Variants in DPP6 observed in about 807,000 individuals in gnomAD.
DPP6 encodes the protein A-type potassium channel modulatory protein DPP6.
In DPP6, 69 loss-of-function variants were observed where a neutral mutation model predicts 122.6. That is an observed-to-expected ratio of 0.56 (90% CI 0.46 to 0.69). DPP6 has a LOEUF of 0.69. DPP6 is among the 30% of genes least tolerant of loss of function. DPP6 has a pLI of 0.00. For synonymous variants in DPP6, 418 were observed against 433.1 expected (o/e 0.97, Z 0.43); for missense variants, 928 against 1,116.9 (o/e 0.83, Z 2.41).
At chr7:154,681,516 C>G (rs1839277949) in intron 7 of DPP6, among the ~76,000 whole-genome samples, 1 of 152,206 alleles carries the variant, frequency 6.6e-6, no homozygotes, top group Admixed American at 6.5e-5. Context: ...ACACTTGCGG[C>G]CATGGCAGAT....
upstream of DPP6, among the ~76,000 whole-genome samples, chr7:153,884,969 A>G (rs1335641169): frequency 2.9e-5 from 4 of 139,600 alleles, no homozygotes; most frequent in South Asian, 7.5e-4. Context: ...ACAAAGCAAG[A>G]CTCCGTCTCA....
At chr7:154,529,303 C>T (rs1045243042) in intron 3 of DPP6, among the ~76,000 whole-genome samples, 1 of 152,150 alleles carries the variant, frequency 6.6e-6, no homozygotes, top group African/African-American at 2.4e-5. Flanking sequence ...GGCAGGGAAT[C>T]AAGGCAGGTC....
chr7:154,532,714 A>C (rs1197936294), intron 3 of DPP6, among the ~76,000 whole-genome samples: 1 of 152,030 alleles, frequency 6.6e-6, no homozygotes, highest in East Asian at 1.9e-4. Context: ...GTTATTAATT[A>C]ATAGAAAATG....
chr7:153,997,803 G>A (rs150235109), intron 1 of DPP6, among the ~76,000 whole-genome samples: 6,821 of 149,858 alleles, frequency 0.046, 370 homozygotes, highest in African/African-American at 0.14. Flanking sequence ...AGGCTACAAG[G>A]GAGGCAGGTC....
chr7:154,169,424 C>T (rs951210909), intron 1 of DPP6, among the ~76,000 whole-genome samples: 1 of 152,154 alleles, frequency 6.6e-6, no homozygotes, highest in Non-Finnish European at 1.5e-5. Context: ...TGGCAGCAGG[C>T]ATCGCTAAGC....
chr7:154,701,302 G>A (rs1044159846), intron 7 of DPP6, among the ~76,000 whole-genome samples: 2 of 152,142 alleles, frequency 1.3e-5, no homozygotes, highest in African/African-American at 4.8e-5. Flanking sequence ...TGATAACCAC[G>A]CAGGCTGTGG....
At chr7:154,388,987 G>A (rs1038474360) in intron 1 of DPP6, among the ~76,000 whole-genome samples, 1 of 152,068 alleles carries the variant, frequency 6.6e-6, no homozygotes, top group Non-Finnish European at 1.5e-5. Context: ...TCAGTCCCCT[G>A]AGCGTTTTGA....
At chr7:154,051,618 C>T (rs1232162962), upstream of DPP6, among the ~76,000 whole-genome samples, 1 of 149,140 alleles carries the variant, frequency 6.7e-6, no homozygotes, top group East Asian at 2.0e-4. Flanking sequence ...TCGGCGGGCA[C>T]AGTGAGGCGC....
intron 16 of DPP6, among the ~76,000 whole-genome samples, chr7:154,834,341 T>C (rs1318035924): frequency 3.4e-5 from 5 of 149,132 alleles, no homozygotes; most frequent in Admixed American, 2.7e-4. Flanking sequence ...CCAGTTGTGG[T>C]GGTGCGTGCC....
intron 2 of DPP6, among the ~76,000 whole-genome samples, chr7:154,455,188 A>G (rs1005943080): frequency 1.3e-5 from 2 of 152,174 alleles, no homozygotes; most frequent in African/African-American, 4.8e-5. Context: ...TTCCTCTGTC[A>G]TGGAGGAAAT....
chr7:154,245,200 G>A (rs539066283), intron 1 of DPP6, among the ~76,000 whole-genome samples: 8 of 151,642 alleles, frequency 5.3e-5, no homozygotes, highest in Non-Finnish European at 7.4e-5. Context: ...TGATCCTCCC[G>A]CCTCGGCCTC....
chr7:154,682,052 CAGA>C (rs1839313902), intron 7 of DPP6, among the ~76,000 whole-genome samples: 1 of 152,148 alleles, frequency 6.6e-6, no homozygotes, highest in Non-Finnish European at 1.5e-5. Context: ...AATTAAATGT[CAGA>C]TTTATAGACA....
At chr7:154,352,774 G>A (rs753315753) in intron 1 of DPP6, among the ~76,000 whole-genome samples, 4 of 152,164 alleles carry the variant, frequency 2.6e-5, no homozygotes, top group Non-Finnish European at 4.4e-5. Flanking sequence ...GCAAACCACC[G>A]TGGCATGTGT....
chr7:154,261,882 G>T (rs1404611534), intron 1 of DPP6, among the ~76,000 whole-genome samples: 1 of 152,090 alleles, frequency 6.6e-6, no homozygotes, highest in African/African-American at 2.4e-5. Flanking sequence ...TTTTTTAAAA[G>T]ATAATTTTGC....
At chr7:154,782,392 T>C (rs546126161) in intron 10 of DPP6, among the ~76,000 whole-genome samples, 1 of 152,222 alleles carries the variant, frequency 6.6e-6, no homozygotes, top group South Asian at 2.1e-4. Context: ...GCAGATAGAT[T>C]ATTGCGTCTT....
At chr7:153,985,561 T>C (rs1366488711) in intron 1 of DPP6, among the ~76,000 whole-genome samples, 2 of 152,192 alleles carry the variant, frequency 1.3e-5, no homozygotes, top group East Asian at 1.9e-4. Context: ...GTGTGGTGGA[T>C]GGGACTAAGG....
intron 5 of DPP6, among the ~76,000 whole-genome samples, chr7:154,632,118 C>T (rs1835443266): frequency 6.6e-6 from 1 of 152,216 alleles, no homozygotes; most frequent in African/African-American, 2.4e-5. Context: ...CTTATTTGAA[C>T]ATGCTTCAAA....
At chr7:154,017,723 AAAAT>A (rs1254699560) in intron 1 of DPP6, among the ~76,000 whole-genome samples, 1 of 121,598 alleles carries the variant, frequency 8.2e-6, no homozygotes, top group African/African-American at 3.9e-5. Flanking sequence ...AAAAAATAAA[AAAAT>A]AAAAAAAAAA....
chr7:154,006,173 C>T (rs1409376387), intron 1 of DPP6, among the ~76,000 whole-genome samples: 1 of 152,164 alleles, frequency 6.6e-6, no homozygotes, highest in Non-Finnish European at 1.5e-5. Flanking sequence ...TCTGCCCTGA[C>T]CTTGGCCCTA....
Sources: gnomAD v4.1 joint callset for allele counts (sites outside exome capture counted in the v4.1 genomes callset) on GRCh38, gnomAD v4.1.1 for gene constraint, MANE v1.5 for transcripts, NCBI Gene and HGNC (gene_info 2026-07-23, HGNC 2026-07-21) for gene names.